KIAA1328: variants seen among roughly 807,000 people sequenced by gnomAD.
The protein encoded by KIAA1328 is protein hinderin.
In KIAA1328, 52 loss-of-function variants were observed where a neutral mutation model predicts 68.1. That is an observed-to-expected ratio of 0.76 (90% CI 0.61 to 0.96). The LOEUF (loss-of-function observed/expected upper bound fraction) is 0.96, where lower values mean the gene tolerates loss of function less well. Ranked by LOEUF, KIAA1328 falls within the 40% of genes least tolerant of loss-of-function variation. KIAA1328 has a pLI of 0.00. For missense variants in KIAA1328, 641 were observed against 677.6 expected (o/e 0.95, Z 0.60); for synonymous variants, 232 against 239.4 (o/e 0.97, Z 0.28).
At chr18:37,205,632 A>C (rs1467700890) in intron 9 of KIAA1328, among the ~76,000 whole-genome samples, 1 of 152,238 alleles carries the variant, frequency 6.6e-6, no homozygotes, top group Non-Finnish European at 1.5e-5. Flanking sequence ...ATTTAAAACA[A>C]ATAATGCAAG....
chr18:36,970,151 A>G (rs528360992), intron 6 of KIAA1328, among the ~76,000 whole-genome samples: 3 of 152,340 alleles, frequency 2.0e-5, no homozygotes, highest in South Asian at 4.1e-4. Context: ...GGCTGGTTCA[A>G]CTTATGCAAA....
chr18:37,051,926 C>T (rs2055709605), intron 6 of KIAA1328, among the ~76,000 whole-genome samples: 2 of 152,114 alleles, frequency 1.3e-5, no homozygotes, highest in Middle Eastern at 3.4e-3. Context: ...CCTCTAATCC[C>T]AGCTATTTGG....
intron 5 of KIAA1328, among the ~76,000 whole-genome samples, chr18:36,951,392 G>A (rs2051155037): frequency 1.3e-5 from 2 of 152,064 alleles, no homozygotes; most frequent in Non-Finnish European, 2.9e-5. Flanking sequence ...GAGCACTTAT[G>A]TAGGCTAAGG....
At chr18:37,143,863 T>TG (rs1444840229) in intron 7 of KIAA1328, among the ~76,000 whole-genome samples, 2 of 152,164 alleles carry the variant, frequency 1.3e-5, no homozygotes, top group Non-Finnish European at 2.9e-5. Flanking sequence ...TGTTATATTT[T>TG]GAAAAAATAC....
intron 7 of KIAA1328, among the ~76,000 whole-genome samples, chr18:37,074,341 T>A (rs1296799544): frequency 6.6e-6 from 1 of 152,206 alleles, no homozygotes; most frequent in African/African-American, 2.4e-5. Flanking sequence ...AGTATTCTTA[T>A]GTTTGTTTCA....
intron 6 of KIAA1328, among the ~76,000 whole-genome samples, chr18:37,057,384 G>T: frequency 6.6e-6 from 1 of 151,224 alleles, no homozygotes; most frequent in African/African-American, 2.4e-5. Context: ...TCATTAAATG[G>T]TTGGGGGAAA....
chr18:37,074,221 G>A (rs1465339569), intron 7 of KIAA1328, among the ~76,000 whole-genome samples: 1 of 152,132 alleles, frequency 6.6e-6, no homozygotes, highest in Non-Finnish European at 1.5e-5. Flanking sequence ...CTATGACTTT[G>A]GAGTTTCTAG....
chr18:37,071,363 G>A (rs1001937463), intron 7 of KIAA1328, among the ~76,000 whole-genome samples: 7 of 151,970 alleles, frequency 4.6e-5, no homozygotes, highest in Admixed American at 1.3e-4. Context: ...ATAAGGCACC[G>A]CACCCGGCCC....
chr18:37,216,899 CTTTTTTTTTTTTT>C (rs762745405), intron 9 of KIAA1328, among the ~76,000 whole-genome samples: 1 of 90,342 alleles, frequency 1.1e-5, no homozygotes, highest in Non-Finnish European at 2.2e-5. Flanking sequence ...TTCTTTGTCT[CTTTTTTTTTTTTT>C]TTTTGTCTTT....
chr18:36,950,388 T>C (rs1217993284), intron 5 of KIAA1328, among the ~76,000 whole-genome samples: 4 of 152,206 alleles, frequency 2.6e-5, no homozygotes, highest in African/African-American at 9.6e-5. Flanking sequence ...CCTTTACTTT[T>C]ATTTCTATAC....
At chr18:37,185,237 G>T (rs541408580) in intron 9 of KIAA1328, among the ~76,000 whole-genome samples, 1 of 152,196 alleles carries the variant, frequency 6.6e-6, no homozygotes, top group Admixed American at 6.5e-5. Flanking sequence ...TCACAGCATG[G>T]CACAGAGCAA....
At position 37,155,273 on chromosome 18, in the gene KIAA1328, C is replaced by T. The variant is rs549763989; in HGVS notation, c.1233-4927C>T. On this transcript the variant is annotated intron_variant, in intron 7 of 9. Transcript: ENST00000280020. ...ACTCTGCCTCCCTCAACTCTACCAC[C>T]TCTAAACTCACTTAGCCAATAGCAA... 1.1e-4 allele frequency among the ~76,000 whole-genome samples: 17 copies of T among 152,260 alleles called. No homozygotes were observed. The South Asian group carries it at 3.3e-3, about 30-fold the overall frequency.
chr18:36,832,424 A>G (rs1164638852), intron 1 of KIAA1328, among the ~76,000 whole-genome samples: 1 of 151,810 alleles, frequency 6.6e-6, no homozygotes, highest in Non-Finnish European at 1.5e-5. Context: ...CGTCTCTACT[A>G]AAACTACAAA....
In KIAA1328 at chr18:36,834,300, C is replaced by T. The variant is rs1045716642; in HGVS notation, c.59-20C>T. The T allele has an allele frequency of 9.6e-6, 15 of 1,558,592 alleles. No homozygotes were observed. The highest frequency in any genetic ancestry group is 1.3e-5 in the Non-Finnish European group (15 of 1,152,906). ...TGCCGGATAATATTATTGTATTTTC[C>T]TTCATGTTCTCCTGCGTAGTTTCTG... On this transcript the variant is annotated intron_variant, in intron 1 of 9. Transcript: ENST00000280020.
chr18:37,005,940 C>T (rs531750603), intron 6 of KIAA1328, among the ~76,000 whole-genome samples: 12 of 151,850 alleles, frequency 7.9e-5, no homozygotes, highest in South Asian at 6.3e-4. Flanking sequence ...GGATAAGAGA[C>T]GGAATGGTGA....
intron 6 of KIAA1328, among the ~76,000 whole-genome samples, chr18:37,035,169 G>T (rs1440431427): frequency 6.6e-6 from 1 of 152,196 alleles, no homozygotes; most frequent in Non-Finnish European, 1.5e-5. Context: ...TCAGGTGAGG[G>T]ACTGAAAACA....
intron 4 of KIAA1328, among the ~76,000 whole-genome samples, chr18:36,866,778 G>A (rs1163101136): frequency 2.0e-5 from 3 of 152,124 alleles, no homozygotes; most frequent in Non-Finnish European, 4.4e-5. Context: ...GAAAATAATA[G>A]CTGTGAGGCA....
rs568369590 is a variant in KIAA1328 at position 36,835,440 on chromosome 18, G to A, written c.237+64G>A. ...AGTCTTTATGAGTGCTGACCAAAAA[G>A]GGTAGAAGAACCTTTGAAAGTATAC... On this transcript the variant is annotated intron_variant, in intron 3 of 9. Transcript: ENST00000280020. 9 of 1,452,960 alleles carry A rather than the reference G, an allele frequency of 6.2e-6. No individual in the cohort carries two copies. The African/African-American group carries it at 8.6e-5, about 14-fold the overall frequency. The allele number at this position is 1,452,960 out of a possible 1,614,324, so 90.0% of individuals were successfully genotyped here. A position where few individuals can be genotyped will look rare whatever the true frequency, so the allele number is the denominator to read the frequency against.
chr18:37,060,854 A>T (rs1486556836), intron 6 of KIAA1328, among the ~76,000 whole-genome samples: 3 of 152,228 alleles, frequency 2.0e-5, no homozygotes, highest in African/African-American at 7.2e-5. Flanking sequence ...GCTGTGGCTC[A>T]CGCCTGTAAT....
Sources: allele counts gnomAD v4.1 joint callset (sites outside exome capture counted in the v4.1 genomes callset), GRCh38; gene constraint gnomAD v4.1.1; transcripts MANE v1.5; gene names NCBI Gene and HGNC (gene_info 2026-07-23, HGNC 2026-07-21).